RBFOX1: variants seen among roughly 807,000 people sequenced by gnomAD.
The protein encoded by RBFOX1 is RNA binding protein fox-1 homolog 1.
A neutral mutation model predicts 57.7 loss-of-function variants in RBFOX1; 8 were observed. The ratio of observed to expected loss-of-function variants is 0.14; its 90% CI spans 0.08 to 0.25. The LOEUF (loss-of-function observed/expected upper bound fraction) is 0.25, where lower values mean the gene tolerates loss of function less well. Ranked by LOEUF, RBFOX1 falls within the 10% of genes least tolerant of loss-of-function variation. The pLI, the probability that RBFOX1 is intolerant of heterozygous loss-of-function variation, is 1.00. For synonymous variants in RBFOX1, 326 were observed against 222.4 expected, an observed-to-expected ratio of 1.47 and a Z score of -4.15; for missense variants, 611 against 548.5, an observed-to-expected ratio of 1.11 and a Z score of -1.14.
chr16:6,796,624 C>T (rs952608976), intron 3 of RBFOX1, among the ~76,000 whole-genome samples: 2 of 151,870 alleles, frequency 1.3e-5, no homozygotes, highest in African/African-American at 4.8e-5. Flanking sequence ...AAGGAACTTT[C>T]TCTCTGTCTC....
intron 1 of RBFOX1, among the ~76,000 whole-genome samples, chr16:6,170,230 T>A (rs2096949950): frequency 6.6e-6 from 1 of 152,180 alleles, no homozygotes; most frequent in Admixed American, 6.5e-5. Flanking sequence ...TGAGAGACTA[T>A]GAAAGCCGTG....
intron 3 of RBFOX1, among the ~76,000 whole-genome samples, chr16:6,732,516 T>C (rs1367740752): frequency 6.6e-6 from 1 of 152,200 alleles, no homozygotes; most frequent in Non-Finnish European, 1.5e-5. Flanking sequence ...GATCGTAATC[T>C]AGAAAACATT....
chr16:5,347,521 C>G (rs2065166103), intron 1 of RBFOX1, among the ~76,000 whole-genome samples: 1 of 152,076 alleles, frequency 6.6e-6, no homozygotes, highest in Non-Finnish European at 1.5e-5. Flanking sequence ...TTATTTCCAC[C>G]ATACACTTGG....
At chr16:7,049,481 A>G (rs995998068) in intron 3 of RBFOX1, among the ~76,000 whole-genome samples, 8 of 152,110 alleles carry the variant, frequency 5.3e-5, no homozygotes, top group African/African-American at 1.4e-4. Flanking sequence ...AAAAAGAACA[A>G]TGGGGATTTT....
intron 3 of RBFOX1, among the ~76,000 whole-genome samples, chr16:5,743,130 T>C (rs548698164): frequency 3.9e-5 from 6 of 152,282 alleles, no homozygotes; most frequent in African/African-American, 1.4e-4. Flanking sequence ...TGTATTGTGA[T>C]TGGAAAGAAC....
intron 2 of RBFOX1, among the ~76,000 whole-genome samples, chr16:6,536,029 T>C (rs1193881281): frequency 6.6e-6 from 1 of 152,206 alleles, no homozygotes; most frequent in African/African-American, 2.4e-5. Context: ...AGATGTGTGA[T>C]TCATGCTTTT....
chr16:6,402,202 C>T (rs1235976600), intron 2 of RBFOX1, among the ~76,000 whole-genome samples: 1 of 151,974 alleles, frequency 6.6e-6, no homozygotes, highest in Non-Finnish European at 1.5e-5. Flanking sequence ...CTGCAGTGTA[C>T]CAAGAGCTAA....
intron 4 of RBFOX1, among the ~76,000 whole-genome samples, chr16:7,137,779 T>C (rs1567409976): frequency 6.6e-6 from 1 of 152,190 alleles, no homozygotes; most frequent in Non-Finnish European, 1.5e-5. Context: ...TACCTGGTCC[T>C]GGAGTAGAAA....
intron 3 of RBFOX1, among the ~76,000 whole-genome samples, chr16:5,770,643 G>A (rs545742632): frequency 6.6e-6 from 1 of 152,180 alleles, no homozygotes; most frequent in Admixed American, 6.5e-5. Flanking sequence ...ATTTTACTCT[G>A]TTGGCTCACT....
intron 1 of RBFOX1, among the ~76,000 whole-genome samples, chr16:5,298,528 T>C (rs1257074109): frequency 7.7e-5 from 1 of 13,058 alleles, no homozygotes; most frequent in Admixed American, 9.3e-4. Context: ...CTCCCCTCCC[T>C]TCCTCTCCCC....
intron 4 of RBFOX1, among the ~76,000 whole-genome samples, chr16:7,065,396 A>G (rs747962199): frequency 2.6e-4 from 39 of 152,024 alleles, no homozygotes; most frequent in Non-Finnish European, 5.1e-4. Flanking sequence ...GTTCAGCATC[A>G]TCTCCAAGCA....
At chr16:7,621,353 C>T (rs777681896) in intron 10 of RBFOX1, among the ~76,000 whole-genome samples, 18 of 151,932 alleles carry the variant, frequency 1.2e-4, no homozygotes, top group African/African-American at 1.9e-4. Context: ...CTCTGCCTCG[C>T]GGGTTCAAGC....
At chr16:6,218,839 G>T (rs1286060296) in intron 1 of RBFOX1, among the ~76,000 whole-genome samples, 2 of 118,902 alleles carry the variant, frequency 1.7e-5, no homozygotes, top group Non-Finnish European at 3.5e-5. Flanking sequence ...CCCAAATGGA[G>T]ACAATTGAAG....
Position 6,745,355 on chromosome 16 carries a change from C to T in RBFOX1, c.-16+90705C>T, listed in dbSNP as rs190122284. On this transcript the variant is annotated intron_variant, in intron 3 of 15. Transcript: ENST00000550418. ...GAAAAAATTCACAAGAAAAAACCCC[C>T]GAAACCACAGACTAGTCTTCCTCAT... Among the ~76,000 whole-genome samples, 1,248 of 151,754 alleles carry T rather than the reference C, an allele frequency of 8.2e-3. 11 individuals carry two copies. The highest frequency in any genetic ancestry group is 0.012 in the Non-Finnish European group (841 of 67,958).
chr16:6,777,061 C>T (rs1250611667), intron 3 of RBFOX1, among the ~76,000 whole-genome samples: 1 of 152,028 alleles, frequency 6.6e-6, no homozygotes, highest in African/African-American at 2.4e-5. Flanking sequence ...TACCTGAGGG[C>T]AGGGATTCTG....
chr16:7,701,158 A>G (rs1191530041), intron 14 of RBFOX1, among the ~76,000 whole-genome samples: 1 of 147,894 alleles, frequency 6.8e-6, no homozygotes, highest in Non-Finnish European at 1.5e-5. Flanking sequence ...CAGCAATGAA[A>G]CTCAAACAGA....
intron 4 of RBFOX1, among the ~76,000 whole-genome samples, chr16:7,290,405 C>G (rs2095744996): frequency 6.6e-6 from 1 of 152,156 alleles, no homozygotes; most frequent in African/African-American, 2.4e-5. Context: ...AACCAGGTGA[C>G]CTTAAAATAT....
In RBFOX1 at chr16:6,029,984, T is replaced by C. The variant is rs563599330; in HGVS notation, c.-127+9992T>C. Among the ~76,000 whole-genome samples, 20 of 152,198 alleles carry C rather than the reference T, an allele frequency of 1.3e-4. No homozygotes were observed. In the South Asian group the frequency reaches 3.9e-3, roughly 30 times the overall value. On this transcript the variant is annotated intron_variant, in intron 1 of 15. Coordinates refer to ENST00000550418, the MANE Select transcript of RBFOX1 (RefSeq NM_018723.4). ...GCTGGAGTGCAGTGATGCAATCATG[T>C]CTCACTTCAACCTCTGCCTCCTGGA...
intron 2 of RBFOX1, among the ~76,000 whole-genome samples, chr16:6,634,750 A>G (rs62652915): frequency 9.9e-5 from 14 of 141,220 alleles, no homozygotes; most frequent in African/African-American, 3.6e-4. Context: ...TTAAATATAC[A>G]AAGATATACA....
Sources: allele counts gnomAD v4.1 joint callset (sites outside exome capture counted in the v4.1 genomes callset), GRCh38; gene constraint gnomAD v4.1.1; transcripts MANE v1.5; gene names NCBI Gene and HGNC (gene_info 2026-07-23, HGNC 2026-07-21).